Variants in MAP3K20 observed in about 807,000 individuals in gnomAD.
MAP3K20 encodes the protein HCCS-4.
In MAP3K20, 40 loss-of-function variants were observed where a neutral mutation model predicts 85.7. The observed-to-expected ratio is 0.47, with a 90% CI of 0.36 to 0.61. The LOEUF (loss-of-function observed/expected upper bound fraction) is 0.61, where lower values mean the gene tolerates loss of function less well. MAP3K20 is among the 20% of genes least tolerant of loss of function. MAP3K20 has a pLI of 0.00. For missense variants in MAP3K20, 817 were observed against 961.7 expected, an observed-to-expected ratio of 0.85 and a Z score of 1.99; for synonymous variants, 325 against 327.7, an observed-to-expected ratio of 0.99 and a Z score of 0.09.
intron 1 of MAP3K20, among the ~76,000 whole-genome samples, chr2:173,083,477 G>T (rs1005934595): frequency 4.6e-5 from 7 of 151,834 alleles, no homozygotes; most frequent in African/African-American, 1.7e-4. Context: ...CCTCAGCCTT[G>T]CAGAGTGCTG....
At chr2:173,139,410 T>G (rs1315596623) in intron 2 of MAP3K20, among the ~76,000 whole-genome samples, 2 of 152,226 alleles carry the variant, frequency 1.3e-5, no homozygotes, top group African/African-American at 4.8e-5. Context: ...AAACTGACTA[T>G]TAGAAAGTTC....
In MAP3K20 at chr2:173,266,417, T is replaced by C; in HGVS notation, c.2070T>C (p.Ser690=). The change falls in exon 20 of 20, where the codon TCT becomes TCC. Residue 690 remains serine (S), a synonymous_variant. Coordinates refer to ENST00000375213, the MANE Select transcript of MAP3K20 (RefSeq NM_016653.3). ...KYGRGSISLN[S]SPRGRYSGKS... ...GACGTGGTAGTATATCACTCAATTC[T>C]TCTCCTAGAGGAAGATACAGTGGAA... 6.2e-7 allele frequency: 1 copy of C among 1,614,174 alleles called. No individual in the cohort carries two copies. The highest frequency in any genetic ancestry group is 1.1e-5 in the South Asian group (1 of 91,080).
chr2:173,164,585 G>T (rs980154541), intron 2 of MAP3K20, among the ~76,000 whole-genome samples: 3 of 152,106 alleles, frequency 2.0e-5, no homozygotes, highest in Admixed American at 1.3e-4. Context: ...TGCAAAACAA[G>T]CTTTAAAGAC....
intron 1 of MAP3K20, among the ~76,000 whole-genome samples, chr2:173,084,162 G>T (rs1481730148): frequency 6.6e-6 from 1 of 152,100 alleles, no homozygotes; most frequent in East Asian, 1.9e-4. Flanking sequence ...TCCAACCTCT[G>T]CTTCCCAAAA....
chr2:173,100,507 G>A (rs1305030854), intron 2 of MAP3K20, among the ~76,000 whole-genome samples: 1 of 152,032 alleles, frequency 6.6e-6, no homozygotes, highest in African/African-American at 2.4e-5. Context: ...TCTCATTTTT[G>A]TTCATCTAGG....
chr2:173,105,349 G>A (rs1436790272), intron 2 of MAP3K20, among the ~76,000 whole-genome samples: 1 of 152,154 alleles, frequency 6.6e-6, no homozygotes, highest in East Asian at 1.9e-4. Flanking sequence ...AATCAAGGAC[G>A]TCTCAGAGGT....
intron 9 of MAP3K20, among the ~76,000 whole-genome samples, chr2:173,206,613 T>C (rs1000331436): frequency 6.7e-6 from 1 of 149,616 alleles, no homozygotes; most frequent in Non-Finnish European, 1.5e-5. Context: ...GTTATTCTAT[T>C]TATCCCACCC....
chr2:173,197,205 T>G (rs1690873383), intron 7 of MAP3K20, among the ~76,000 whole-genome samples: 1 of 152,102 alleles, frequency 6.6e-6, no homozygotes. Context: ...AAAAGTAACA[T>G]AGTATACAAA....
intron 14 of MAP3K20, among the ~76,000 whole-genome samples, chr2:173,236,606 C>T (rs1174825764): frequency 6.6e-6 from 1 of 152,214 alleles, no homozygotes; most frequent in Non-Finnish European, 1.5e-5. Context: ...ACCCCTCCCC[C>T]TTACTGCCAA....
intron 2 of MAP3K20, among the ~76,000 whole-genome samples, chr2:173,118,948 G>C (rs1249514549): frequency 6.6e-6 from 1 of 152,176 alleles, no homozygotes; most frequent in Admixed American, 6.5e-5. Context: ...TGATATAGTA[G>C]ATGCTTCAGT....
At chr2:173,080,338 C>A (rs978403105) in intron 1 of MAP3K20, among the ~76,000 whole-genome samples, 1 of 152,184 alleles carries the variant, frequency 6.6e-6, no homozygotes, top group African/African-American at 2.4e-5. Flanking sequence ...GCTGCTTGCC[C>A]ACTGTCCTAG....
intron 11 of MAP3K20, among the ~76,000 whole-genome samples, chr2:173,229,187 T>C (rs1684460174): frequency 6.6e-6 from 1 of 152,236 alleles, no homozygotes; most frequent in African/African-American, 2.4e-5. Context: ...CAATTTCCCA[T>C]GTCCTTCTTC....
At chr2:173,203,895 G>C in intron 9 of MAP3K20, 25 bp downstream of exon 9, 1 of 1,600,668 alleles carries the variant, frequency 6.2e-7, no homozygotes, top group African/African-American at 1.3e-5. Flanking sequence ...TTTTGTTATT[G>C]TTTAGAATTC....
intron 17 of MAP3K20, 34 bp from the exon 18 acceptor site, chr2:173,261,029 A>C: frequency 6.2e-7 from 1 of 1,601,530 alleles, no homozygotes; most frequent in Non-Finnish European, 8.6e-7. Flanking sequence ...AGACTGTGTT[A>C]TGGTACTACA....
intron 5 of MAP3K20, among the ~76,000 whole-genome samples, chr2:173,189,729 G>A (rs920166630): frequency 2.0e-5 from 3 of 152,148 alleles, no homozygotes; most frequent in African/African-American, 7.2e-5. Flanking sequence ...TTTAAAGCCA[G>A]AGCTCCTATT....
intron 1 of MAP3K20, among the ~76,000 whole-genome samples, chr2:173,077,313 C>T (rs1258640464): frequency 1.4e-5 from 2 of 144,216 alleles, no homozygotes; most frequent in East Asian, 2.0e-4. Context: ...TGATTCAAGG[C>T]TAGTTAATGT....
intron 2 of MAP3K20, among the ~76,000 whole-genome samples, chr2:173,162,128 A>G (rs888138442): frequency 2.0e-5 from 3 of 149,792 alleles, no homozygotes; most frequent in Non-Finnish European, 2.9e-5. Flanking sequence ...AGATGACCAC[A>G]ATAATGTTTT....
chr2:173,187,694 T>C (rs1690530781), intron 5 of MAP3K20, 71 bp downstream of exon 5: 3 of 1,369,304 alleles, frequency 2.2e-6, no homozygotes, highest in Non-Finnish European at 1.0e-6. Flanking sequence ...GAAATGAGCA[T>C]CATTCTTTTA....
intron 7 of MAP3K20, among the ~76,000 whole-genome samples, chr2:173,193,817 TTCTC>T (rs1166577756): frequency 6.6e-6 from 1 of 152,226 alleles, no homozygotes; most frequent in African/African-American, 2.4e-5. Context: ...GGATTAGCTT[TTCTC>T]TCTACTTGTG....
Sources: gnomAD v4.1 joint callset for allele counts (sites outside exome capture counted in the v4.1 genomes callset) on GRCh38, gnomAD v4.1.1 for gene constraint, MANE v1.5 for transcripts, NCBI Gene and HGNC (gene_info 2026-07-23, HGNC 2026-07-21) for gene names.